RBFOX1: variants seen among roughly 807,000 people sequenced by gnomAD.
RBFOX1 encodes the protein RNA binding fox-1 homolog 1, also known as RNA binding protein fox-1 homolog 1.
A neutral mutation model predicts 57.7 loss-of-function variants in RBFOX1; 8 were observed. The observed-to-expected ratio is 0.14, with a 90% CI of 0.08 to 0.25. The LOEUF is 0.25. Among genes scored for constraint, RBFOX1 ranks in the 10% least tolerant of loss-of-function variants. RBFOX1 has a pLI of 1.00. For missense variants in RBFOX1, 611 were observed against 548.5 expected (o/e 1.11, Z -1.14); for synonymous variants, 326 against 222.4 (o/e 1.47, Z -4.15).
At chr16:6,898,019 C>G (rs968454600) in intron 3 of RBFOX1, among the ~76,000 whole-genome samples, 1 of 152,126 alleles carries the variant, frequency 6.6e-6, no homozygotes, top group Non-Finnish European at 1.5e-5. Context: ...GGACAAGAGA[C>G]CAGGTCAGGT....
intron 3 of RBFOX1, among the ~76,000 whole-genome samples, chr16:6,717,109 C>T (rs1292496803): frequency 6.6e-6 from 1 of 152,148 alleles, no homozygotes; most frequent in Non-Finnish European, 1.5e-5. Context: ...GTGGATTGAT[C>T]CTGGGATTCC....
chr16:6,119,438 T>G (rs1159517307), intron 1 of RBFOX1, among the ~76,000 whole-genome samples: 1 of 152,200 alleles, frequency 6.6e-6, no homozygotes, highest in Admixed American at 6.5e-5. Flanking sequence ...GAGAAGGCAT[T>G]TGCCAAGTTT....
intron 3 of RBFOX1, among the ~76,000 whole-genome samples, chr16:5,864,097 C>T (rs889818292): frequency 6.6e-6 from 1 of 152,166 alleles, no homozygotes; most frequent in African/African-American, 2.4e-5. Context: ...TTGTTCCTTT[C>T]TATGTGTCCA....
At chr16:6,266,093 G>A (rs2074452919) in intron 1 of RBFOX1, among the ~76,000 whole-genome samples, 1 of 152,148 alleles carries the variant, frequency 6.6e-6, no homozygotes, top group East Asian at 1.9e-4. Flanking sequence ...AGTGAGATGT[G>A]TCACTTCTGG....
At chr16:6,685,756 A>G (rs1157830447) in intron 3 of RBFOX1, among the ~76,000 whole-genome samples, 2 of 152,074 alleles carry the variant, frequency 1.3e-5, no homozygotes, top group South Asian at 2.1e-4. Context: ...GTCTGCCCCT[A>G]TCCTTTTTCC....
At chr16:5,918,350 C>T (rs1294602259) in intron 4 of RBFOX1, among the ~76,000 whole-genome samples, 1 of 152,158 alleles carries the variant, frequency 6.6e-6, no homozygotes, top group East Asian at 1.9e-4. Context: ...GAACTTCTGA[C>T]CTCAGGTGAT....
chr16:6,210,362 A>AAAAAAAAAAAAAAAAAAAAAACC (rs2097287632), intron 1 of RBFOX1, among the ~76,000 whole-genome samples: 2 of 25,092 alleles, frequency 8.0e-5, no homozygotes, highest in African/African-American at 5.0e-4. Context: ...AAAAAACACC[A>AAAAAAAAAAAAAAAAAAAAAACC]AAAAAAAAAA....
At chr16:6,570,669 C>G (rs2097332867) in intron 2 of RBFOX1, among the ~76,000 whole-genome samples, 1 of 152,112 alleles carries the variant, frequency 6.6e-6, no homozygotes, top group Non-Finnish European at 1.5e-5. Flanking sequence ...TAAAAATTAT[C>G]AGTCATATGT....
intron 4 of RBFOX1, among the ~76,000 whole-genome samples, chr16:5,929,626 T>A (rs745629589): frequency 3.3e-5 from 5 of 152,214 alleles, no homozygotes; most frequent in African/African-American, 4.8e-5. Flanking sequence ...CATAATATAA[T>A]AATAAAGTGA....
In RBFOX1 at chr16:6,637,169, AT is replaced by A. The variant is rs1567984513; in HGVS notation, c.-63-17433del. 1.2e-4 allele frequency among the ~76,000 whole-genome samples: 8 copies of A among 65,060 alleles called. 1 individual carries two copies. The highest frequency in any genetic ancestry group is 4.2e-4 in the African/African-American group (5 of 11,988). The allele number at this position is 65,060 out of a possible 152,430, so 42.7% of individuals were successfully genotyped here. A position where few individuals can be genotyped will look rare whatever the true frequency, so the allele number is the denominator to read the frequency against. On this transcript the variant is annotated intron_variant, in intron 2 of 15. Transcript: ENST00000550418. Reference sequence around the variant, plus strand: ...TAATATACAATATATATTATATATTATATATATTATATAATATACAATATAT... The same window carrying A: ...TAATATACAATATATATTATATATTAATATATTATATAATATACAATATAT...
At chr16:5,496,598 C>T (rs2043010341) in intron 2 of RBFOX1, among the ~76,000 whole-genome samples, 1 of 152,148 alleles carries the variant, frequency 6.6e-6, no homozygotes, top group Non-Finnish European at 1.5e-5. Context: ...CTCTTAGTCA[C>T]AGATGTCGGC....
chr16:5,703,181 A>G (rs1004351807), intron 3 of RBFOX1, among the ~76,000 whole-genome samples: 4 of 152,236 alleles, frequency 2.6e-5, no homozygotes, highest in Admixed American at 6.5e-5. Context: ...CAACTTTGCT[A>G]TGAAAGAGGG....
At chr16:5,354,507 G>T (rs1324765601) in intron 1 of RBFOX1, among the ~76,000 whole-genome samples, 10 of 152,180 alleles carry the variant, frequency 6.6e-5, no homozygotes, top group Non-Finnish European at 1.3e-4. Flanking sequence ...CTGCTTGGGG[G>T]TTAAATGAGG....
chr16:7,400,869 G>C (rs1440068706), intron 4 of RBFOX1, among the ~76,000 whole-genome samples: 1 of 152,196 alleles, frequency 6.6e-6, no homozygotes, highest in Admixed American at 6.5e-5. Context: ...GGGATCTTCT[G>C]CCATAGCAGA....
rs1260571679 is a variant in RBFOX1 at position 7,712,054 on chromosome 16, C to G, written c.*1309C>G. On this transcript the variant is annotated 3_prime_UTR_variant, in exon 16 of 16. Coordinates refer to ENST00000550418, the MANE Select transcript of RBFOX1 (RefSeq NM_018723.4). Reference sequence around the variant, plus strand: ...AAAAAGAAAAAAGTACATCCACCCTCTTAATCCCAAAAGAACAAAGTCTCC... The same window carrying G: ...AAAAAGAAAAAAGTACATCCACCCTGTTAATCCCAAAAGAACAAAGTCTCC... The G allele has an allele frequency of 1.3e-5, 2 of 152,568 alleles. No individual in the cohort carries two copies. The highest frequency in any genetic ancestry group is 2.9e-5 in the Non-Finnish European group (2 of 68,052). The allele number at this position is 152,568 out of a possible 1,614,324, so 9.5% of individuals were successfully genotyped here. A position where few individuals can be genotyped will look rare whatever the true frequency, so the allele number is the denominator to read the frequency against.
chr16:6,321,082 T>C (rs2081732742), intron 2 of RBFOX1, among the ~76,000 whole-genome samples: 1 of 152,194 alleles, frequency 6.6e-6, no homozygotes. Context: ...GCATGAGCCA[T>C]CACGTTAAAG....
intron 3 of RBFOX1, among the ~76,000 whole-genome samples, chr16:6,656,754 A>G (rs74629431): frequency 0.016 from 2,362 of 152,214 alleles, 66 homozygotes; most frequent in African/African-American, 0.053. Flanking sequence ...ATTTCTAAAC[A>G]ATTTGTTGCA....
At chr16:6,982,230 C>T (rs192410140) in intron 3 of RBFOX1, among the ~76,000 whole-genome samples, 130 of 152,250 alleles carry the variant, frequency 8.5e-4, no homozygotes, top group Middle Eastern at 6.8e-3. Context: ...ATCAGGTACC[C>T]GGGGAGAAAT....
intron 4 of RBFOX1, among the ~76,000 whole-genome samples, chr16:7,471,212 T>G (rs986228025): frequency 6.6e-6 from 1 of 152,224 alleles, no homozygotes; most frequent in African/African-American, 2.4e-5. Flanking sequence ...TGCCTGTTTG[T>G]TCATTGCATA....
Sources: gnomAD v4.1 joint callset for allele counts (sites outside exome capture counted in the v4.1 genomes callset) on GRCh38, gnomAD v4.1.1 for gene constraint, MANE v1.5 for transcripts, NCBI Gene and HGNC (gene_info 2026-07-23, HGNC 2026-07-21) for gene names.